ITFG1: variants seen among roughly 807,000 people sequenced by gnomAD.
The protein encoded by ITFG1 is integrin alpha FG-GAP repeat containing 1, also known as T-cell immunomodulatory protein.
Under a neutral mutation model 81.8 loss-of-function variants are expected in ITFG1, and 34 were observed. The observed-to-expected ratio is 0.42, with a 90% CI of 0.32 to 0.55. The LOEUF (loss-of-function observed/expected upper bound fraction) is 0.55, where lower values mean the gene tolerates loss of function less well. ITFG1 is among the 20% of genes least tolerant of loss of function. The probability of loss-of-function intolerance (pLI) is 0.17; values close to 1 mark genes in which losing one functional copy is unlikely to be tolerated. For missense variants in ITFG1, 672 were observed against 755.4 expected, an observed-to-expected ratio of 0.89 and a Z score of 1.29; for synonymous variants, 285 against 270.6, an observed-to-expected ratio of 1.05 and a Z score of -0.52.
At chr16:47,457,384 G>A (rs1003087380) in intron 2 of ITFG1, among the ~76,000 whole-genome samples, 2 of 151,680 alleles carry the variant, frequency 1.3e-5, no homozygotes, top group African/African-American at 4.8e-5. Flanking sequence ...ACACCACATG[G>A]TTAAAAGGTA....
chr16:47,260,607 G>C lies in ITFG1; in HGVS notation c.1159C>G (p.Leu387Val). The change falls in exon 11 of 18, where the codon CTG becomes GTG. Residue 387 changes from leucine to valine, a missense_variant. Leu to Val is a conservative substitution (Grantham distance 32). Around this residue, in one of 3 missense-constraint regions of ITFG1, gnomAD observed 560 missense variants for 625.7 expected, o/e 0.90. Coordinates refer to ENST00000320640, the MANE Select transcript of ITFG1 (RefSeq NM_030790.5). ...TCCTTAATTTGATTTAGGTCTGTCA[G>C]CTCCCAGTAGACTTTAAACATTCGA... Reference protein sequence around the residue: ...ARRMFKVYWELTDLNQIKDAM... With the variant: ...ARRMFKVYWEVTDLNQIKDAM... The C allele has an allele frequency of 6.2e-7, 1 of 1,614,122 alleles. No homozygotes were observed. The highest frequency in any genetic ancestry group is 1.7e-5 in the Admixed American group (1 of 60,026).
At chr16:47,378,318 G>C (rs1395070895) in intron 6 of ITFG1, among the ~76,000 whole-genome samples, 3 of 152,166 alleles carry the variant, frequency 2.0e-5, no homozygotes, top group Non-Finnish European at 2.9e-5. Flanking sequence ...GAAATCAAAG[G>C]TCTGGTGTCT....
chr16:47,182,626 G>T (rs1965142151), intron 14 of ITFG1, among the ~76,000 whole-genome samples: 2 of 152,212 alleles, frequency 1.3e-5, no homozygotes, highest in Admixed American at 1.3e-4. Context: ...AAATATAATG[G>T]AATGTTTCCT....
At chr16:47,232,643 TTTTTTTC>T (rs1042302831) in intron 13 of ITFG1, among the ~76,000 whole-genome samples, 4 of 151,986 alleles carry the variant, frequency 2.6e-5, no homozygotes, top group African/African-American at 9.6e-5. Context: ...TCTTGTTTTT[TTTTTTTC>T]TTTTTTCTTT....
intron 10 of ITFG1, among the ~76,000 whole-genome samples, chr16:47,298,122 TG>T (rs760664667): frequency 1.4e-4 from 22 of 152,320 alleles, no homozygotes; most frequent in Admixed American, 2.6e-4. Flanking sequence ...TCAACTGTCT[TG>T]TTTAATTCCT....
chr16:47,207,326 C>T (rs1057493697), intron 14 of ITFG1, among the ~76,000 whole-genome samples: 7 of 152,094 alleles, frequency 4.6e-5, no homozygotes, highest in African/African-American at 7.2e-5. Context: ...CCTCGTGATC[C>T]GCCCATCTCG....
chr16:47,460,477 C>T lies in ITFG1; in HGVS notation c.208+361G>A, dbSNP rs534421195. The stretch of plus-strand genomic sequence containing the variant: ...GAAAGGAATGAGTGGGCCTTGGGAG[C>T]GAACGTTGAGGCAAGCTACAAAGAT... On this transcript the variant is annotated intron_variant, in intron 1 of 17. Transcript: ENST00000320640. 5.9e-5 allele frequency among the ~76,000 whole-genome samples: 9 copies of T among 152,022 alleles called. No individual in the cohort carries two copies. In the East Asian group the frequency reaches 1.7e-3, roughly 29 times the overall value.
intron 10 of ITFG1, among the ~76,000 whole-genome samples, chr16:47,302,838 G>A (rs1231609378): frequency 1.3e-5 from 2 of 152,064 alleles, no homozygotes; most frequent in South Asian, 2.1e-4. Flanking sequence ...GTGCCACATC[G>A]CCTTGTTACC....
chr16:47,327,550 G>T (rs1205869904), intron 8 of ITFG1, among the ~76,000 whole-genome samples: 1 of 152,042 alleles, frequency 6.6e-6, no homozygotes, highest in East Asian at 1.9e-4. Flanking sequence ...CCTACAAAAT[G>T]GGAGAAAATT....
intron 14 of ITFG1, among the ~76,000 whole-genome samples, chr16:47,189,371 T>C (rs562613462): frequency 5.3e-5 from 8 of 152,276 alleles, no homozygotes; most frequent in Non-Finnish European, 7.4e-5. Flanking sequence ...TCCCATTTCT[T>C]CCTCCCTCCA....
intron 6 of ITFG1, among the ~76,000 whole-genome samples, chr16:47,379,834 T>C (rs1968373518): frequency 6.6e-6 from 1 of 152,004 alleles, no homozygotes; most frequent in African/African-American, 2.4e-5. Flanking sequence ...TGTCTTGCAA[T>C]AGTATTCTGG....
intron 12 of ITFG1, among the ~76,000 whole-genome samples, chr16:47,254,587 A>G (rs562228563): frequency 1.3e-5 from 2 of 152,308 alleles, no homozygotes; most frequent in South Asian, 4.1e-4. Context: ...CAGTTCAATC[A>G]CATTCTATTT....
intron 10 of ITFG1, among the ~76,000 whole-genome samples, chr16:47,303,453 T>C (rs906132524): frequency 4.6e-5 from 7 of 151,632 alleles, no homozygotes; most frequent in African/African-American, 1.5e-4. Context: ...ATACACAACA[T>C]TGAAAACAGT....
At chr16:47,457,236 G>A (rs1248356145) in intron 2 of ITFG1, among the ~76,000 whole-genome samples, 3 of 151,624 alleles carry the variant, frequency 2.0e-5, no homozygotes, top group Non-Finnish European at 4.4e-5. Context: ...GCTTGAACCC[G>A]GGAGGCAAAG....
At chr16:47,172,349 G>C (rs540319788) in intron 14 of ITFG1, among the ~76,000 whole-genome samples, 1 of 152,144 alleles carries the variant, frequency 6.6e-6, no homozygotes, top group Non-Finnish European at 1.5e-5. Context: ...TTAGCCAGGC[G>C]TGGTGGCGCA....
chr16:47,428,890 G>T lies in ITFG1; in HGVS notation c.569C>A (p.Ser190Ter). Residue 190 changes from serine (S) to a stop codon, truncating the protein, a stop_gained, in exon 6 of 18, where the codon TCA becomes TAA. Coordinates refer to ENST00000320640, the MANE Select transcript of ITFG1 (RefSeq NM_030790.5). LOFTEE classifies it high-confidence loss of function. Reference sequence around the variant, plus strand: ...TGTAGTGGTCAATGCTGGATGCCATGATAAATTCCTAAAAAATAAAATAAA... The same window carrying T: ...TGTAGTGGTCAATGCTGGATGCCATTATAAATTCCTAAAAAATAAAATAAA... Reference protein sequence around the residue: ...QPQILLGGNLSWHPALTTTSK... With the variant: ...QPQILLGGNL The T allele has an allele frequency of 6.4e-7, 1 of 1,565,418 alleles. No individual in the cohort carries two copies. The highest frequency in any genetic ancestry group is 1.2e-5 in the South Asian group (1 of 85,280).
chr16:47,247,392 G>A (rs1015503634), intron 12 of ITFG1, among the ~76,000 whole-genome samples: 1 of 152,162 alleles, frequency 6.6e-6, no homozygotes, highest in Non-Finnish European at 1.5e-5. Context: ...ATGTATGTTA[G>A]TAGTTCATCT....
At chr16:47,193,102 T>C (rs1965313283) in intron 14 of ITFG1, among the ~76,000 whole-genome samples, 1 of 152,128 alleles carries the variant, frequency 6.6e-6, no homozygotes, top group African/African-American at 2.4e-5. Context: ...TTCTTTTTTT[T>C]TGGTGAGGAT....
At chr16:47,419,885 G>GA (rs1968922226) in intron 6 of ITFG1, among the ~76,000 whole-genome samples, 1 of 151,764 alleles carries the variant, frequency 6.6e-6, no homozygotes, top group East Asian at 1.9e-4. Flanking sequence ...TTATAAGTGT[G>GA]AGCCACGACG....
Sources: gnomAD v4.1 joint callset for allele counts (sites outside exome capture counted in the v4.1 genomes callset) on GRCh38, gnomAD v4.1.1 for gene constraint, gnomAD v4.1.1 regional missense constraint, MANE v1.5 for transcripts, NCBI Gene and HGNC (gene_info 2026-07-23, HGNC 2026-07-21) for gene names.